Variants in OTOL1 observed in about 807,000 individuals in gnomAD.
The protein encoded by OTOL1 is otolin 1.
Under a neutral mutation model 25.0 loss-of-function variants are expected in OTOL1, and 31 were observed. That is an observed-to-expected ratio of 1.24 (90% CI 0.93 to 1.67). The LOEUF is 1.67. Ranked by LOEUF, OTOL1 falls within the 40% of genes most tolerant of loss-of-function variation. The pLI, the probability that OTOL1 is intolerant of heterozygous loss-of-function variation, is 0.00. For missense variants in OTOL1, 654 were observed against 587.7 expected (o/e 1.11, Z -1.17); for synonymous variants, 225 against 210.3 (o/e 1.07, Z -0.61).
intron 2 of OTOL1, among the ~76,000 whole-genome samples, chr3:161,500,168 A>G (rs909985648): frequency 1.3e-5 from 2 of 152,186 alleles, no homozygotes; most frequent in Non-Finnish European, 2.9e-5. Flanking sequence ...CACCCTCCAC[A>G]TGGCTCAGGA....
At chr3:161,500,315 T>A (rs1001786716) in intron 2 of OTOL1, among the ~76,000 whole-genome samples, 2 of 152,172 alleles carry the variant, frequency 1.3e-5, no homozygotes, top group African/African-American at 4.8e-5. Flanking sequence ...TGTGCCTGAA[T>A]TATGTTAGCA....
At chr3:161,501,959 T>A (rs1718983946) in intron 2 of OTOL1, among the ~76,000 whole-genome samples, 2 of 152,154 alleles carry the variant, frequency 1.3e-5, no homozygotes. Flanking sequence ...CTCCACCTCC[T>A]GAGTTCAAGC....
At chr3:161,498,469 A>G (rs1718891875) in intron 1 of OTOL1, among the ~76,000 whole-genome samples, 1 of 152,134 alleles carries the variant, frequency 6.6e-6, no homozygotes, top group Non-Finnish European at 1.5e-5. Flanking sequence ...TGCTGAGACT[A>G]TCTTGGTCCT....
At chr3:161,502,977 G>C in intron 3 of OTOL1, 49 bp from the exon 4 acceptor site, 1 of 1,276,334 alleles carries the variant, frequency 7.8e-7, no homozygotes, top group Non-Finnish European at 1.0e-6. Flanking sequence ...ATAGCATGCT[G>C]TTTATGGCCT....
Position 161,497,142 on chromosome 3 carries a change from A to G in OTOL1, c.335A>G (p.Lys112Arg), listed in dbSNP as rs540843506. The change falls in exon 1 of 4, where the codon AAA becomes AGA. Residue 112 changes from lysine to arginine, a missense_variant. By Grantham distance (26) the Lys-to-Arg change is conservative. Coordinates refer to ENST00000327928, the MANE Select transcript of OTOL1 (RefSeq NM_001080440.1). The part of the protein sequence containing the change: ...CDCCSPVPGQ[K>R]GEPGETGQPG... ...TGTTGTTCACCTGTACCCGGGCAGAAAGGAGAACCTGGAGAGACTGGACAG... is the reference window on the plus strand; with the variant it reads ...TGTTGTTCACCTGTACCCGGGCAGAGAGGAGAACCTGGAGAGACTGGACAG... The G allele has an allele frequency of 6.2e-7, 1 of 1,613,290 alleles. No individual in the cohort carries two copies. The highest frequency in any genetic ancestry group is 2.2e-5 in the East Asian group (1 of 44,874).
intron 2 of OTOL1, among the ~76,000 whole-genome samples, chr3:161,500,017 T>C (rs1191828091): frequency 6.6e-6 from 1 of 152,190 alleles, no homozygotes. Context: ...TTAAAGGTAC[T>C]GAAGGAAGGC....
In OTOL1 at chr3:161,503,053, G is replaced by C; in HGVS notation, c.545G>C (p.Gly182Ala). 7.3e-7 allele frequency: 1 copy of C among 1,362,564 alleles called. No individual in the cohort carries two copies. The highest frequency in any genetic ancestry group is 9.5e-7 in the Non-Finnish European group (1 of 1,052,930). The allele number at this position is 1,362,564 out of a possible 1,614,324, so 84.4% of individuals were successfully genotyped here. A position where few individuals can be genotyped will look rare whatever the true frequency, so the allele number is the denominator to read the frequency against. Residue 182 changes from glycine (G) to alanine (A), a missense_variant, in exon 4 of 4, where the codon GGA (glycine) becomes GCA (alanine). Coordinates refer to ENST00000327928, the MANE Select transcript of OTOL1 (RefSeq NM_001080440.1). ...QGEPGPKGDK[G>A]NIGLGGVKGQ... ...GAACCTGGCCCTAAGGGAGATAAAGGAAACATTGGTTTGGGAGGAGTGAAA... is the reference window on the plus strand; with the variant it reads ...GAACCTGGCCCTAAGGGAGATAAAGCAAACATTGGTTTGGGAGGAGTGAAA...
rs758137322 is a variant in OTOL1 at position 161,502,377 on chromosome 3, A to T, written c.517+8A>T. On this transcript the variant is annotated splice_region_variant and intron_variant, in intron 3 of 3. Transcript: ENST00000327928. ...GAAAACCGGGAGCACAAGGTAGAGC[A>T]TGAAATGTATCTACTGTGTACAGTC... 1.9e-6 allele frequency: 3 copies of T among 1,610,298 alleles called. No homozygotes were observed. Among genetic ancestry groups the T allele is most frequent in the South Asian group, 1.1e-5 (1 of 90,566 alleles).
intron 2 of OTOL1, among the ~76,000 whole-genome samples, chr3:161,500,794 T>C (rs1442852737): frequency 6.6e-6 from 1 of 152,206 alleles, no homozygotes. Context: ...GGCCTAAGGT[T>C]TAATTTCCAA....
intron 2 of OTOL1, among the ~76,000 whole-genome samples, chr3:161,500,335 G>A (rs1033314804): frequency 3.3e-5 from 5 of 152,108 alleles, no homozygotes; most frequent in Non-Finnish European, 7.4e-5. Flanking sequence ...AGAAAACCTT[G>A]TGAAATAAAG....
chr3:161,501,479 T>C lies in OTOL1; in HGVS notation c.455-828T>C, dbSNP rs144229314. Among the ~76,000 whole-genome samples the C allele has an allele frequency of 1.8e-3, 276 of 152,204 alleles. 2 individuals are homozygous for C. The highest frequency in any genetic ancestry group is 4.9e-3 in the African/African-American group (205 of 41,534). Reference sequence around the variant, plus strand: ...GACAAATATCTGAAAATCCAGATGTTTTCATTTTTTTCAACTATGAATTCC... The same window carrying C: ...GACAAATATCTGAAAATCCAGATGTCTTCATTTTTTTCAACTATGAATTCC... On this transcript the variant is annotated intron_variant, in intron 2 of 3. Transcript: ENST00000327928.
rs772696212 is a variant in OTOL1 at position 161,503,821 on chromosome 3, G to A, written c.1313G>A (p.Gly438Glu). 1.2e-6 allele frequency: 2 copies of A among 1,613,950 alleles called. No individual in the cohort carries two copies. Among genetic ancestry groups the A allele is most frequent in the East Asian group, 4.5e-5 (2 of 44,860 alleles). Residue 438 changes from glycine to glutamate, a missense_variant, in exon 4 of 4, where the codon GGA becomes GAA. Gly to Glu is a moderately conservative substitution (Grantham distance 98, BLOSUM62 -2). Coordinates refer to ENST00000327928, the MANE Select transcript of OTOL1 (RefSeq NM_001080440.1). ...SLLVILKLSA[G>E]DQVWLEVSKD... ...CTCGTCATCTTGAAATTAAGTGCAG[G>A]AGACCAAGTCTGGCTTGAGGTGTCA...
chr3:161,503,020 T>C lies in OTOL1; in HGVS notation c.518-6T>C. The stretch of plus-strand genomic sequence containing the variant: ...CCTTAAACATTATTTTAATTTTCCA[T>C]TTCAGGTGAACCTGGCCCTAAGGGA... On this transcript the variant is annotated splice_region_variant and splice_polypyrimidine_tract_variant and intron_variant, in intron 3 of 3. Transcript: ENST00000327928. The C allele has an allele frequency of 7.6e-7, 1 of 1,322,486 alleles. No individual in the cohort carries two copies. Among genetic ancestry groups the C allele is most frequent in the Non-Finnish European group, 9.7e-7 (1 of 1,030,110 alleles). The allele number at this position is 1,322,486 out of a possible 1,614,324, so 81.9% of individuals were successfully genotyped here.
intron 2 of OTOL1, 124 bp from the exon 3 acceptor site, chr3:161,502,183 C>T (rs1718990322): frequency 4.7e-6 from 4 of 857,904 alleles, no homozygotes; most frequent in African/African-American, 3.4e-5. Flanking sequence ...TCTTTTTCCA[C>T]ACGATTTAAC....
intron 1 of OTOL1, among the ~76,000 whole-genome samples, 191 bp from the exon 2 acceptor site, chr3:161,498,980 C>T (rs1266372073): frequency 6.6e-6 from 1 of 152,172 alleles, no homozygotes; most frequent in East Asian, 1.9e-4. Context: ...TTTATCTATT[C>T]AGGTAGTACG....
rs1420584291 is a variant in OTOL1 at position 161,497,127 on chromosome 3, C to T, written c.320C>T (p.Pro107Leu). 5.0e-6 allele frequency: 8 copies of T among 1,613,456 alleles called. No individual in the cohort carries two copies. Among genetic ancestry groups the T allele is most frequent in the Non-Finnish European group, 5.9e-6 (7 of 1,179,544 alleles). ...TTGAATTGTTGTGATTGTTGTTCAC[C>T]TGTACCCGGGCAGAAAGGAGAACCT... ...FFLNCCDCCS[P>L]VPGQKGEPGE... is the part of the protein sequence containing the mutation. The change falls in exon 1 of 4, where the codon CCT (proline) becomes CTT (leucine). Residue 107 changes from proline to leucine, a missense_variant. Pro to Leu is a moderately conservative substitution (Grantham distance 98). Transcript: ENST00000327928.
intron 2 of OTOL1, among the ~76,000 whole-genome samples, chr3:161,499,538 A>G (rs1005820511): frequency 7.9e-5 from 12 of 152,160 alleles, no homozygotes; most frequent in African/African-American, 2.9e-4. Context: ...ACCTAGTGAC[A>G]AGCAGCCACA....
chr3:161,499,642 T>A (rs1009605188), intron 2 of OTOL1, among the ~76,000 whole-genome samples: 5 of 152,136 alleles, frequency 3.3e-5, no homozygotes, highest in African/African-American at 1.2e-4. Flanking sequence ...TTGTATTAGA[T>A]GGAACTAACT....
In OTOL1 at chr3:161,503,768, T is replaced by C. The variant is rs1719042039; in HGVS notation, c.1260T>C (p.Tyr420=). ...AGTTCAAGTCCAGAGAAACTCTCTA[T>C]GGTCAGGAAATAGACCAGGCCTCTC... ...KKQFKSRETL[Y]GQEIDQASLL... The change falls in exon 4 of 4, where the codon TAT becomes TAC. Residue 420 remains tyrosine (Y), a synonymous_variant. Transcript: ENST00000327928. 1.2e-6 allele frequency: 2 copies of C among 1,613,756 alleles called. No homozygotes were observed. The highest frequency in any genetic ancestry group is 1.3e-5 in the African/African-American group (1 of 74,908).
Sources: gnomAD v4.1 joint callset for allele counts (sites outside exome capture counted in the v4.1 genomes callset) on GRCh38, gnomAD v4.1.1 for gene constraint, MANE v1.5 for transcripts, NCBI Gene and HGNC (gene_info 2026-07-23, HGNC 2026-07-21) for gene names.